SAMD8: variants seen among roughly 807,000 people sequenced by gnomAD.
The protein encoded by SAMD8 is sterile alpha motif domain containing 8, also known as sphingomyelin synthase-related protein 1.
In SAMD8, 20 loss-of-function variants were observed where a neutral mutation model predicts 42.0. The ratio of observed to expected loss-of-function variants is 0.48; its 90% confidence interval spans 0.34 to 0.69. SAMD8 has a LOEUF of 0.69. Among genes scored for constraint, SAMD8 ranks in the 30% least tolerant of loss-of-function variants. The pLI, the probability that SAMD8 is intolerant of heterozygous loss-of-function variation, is 0.01. For missense variants in SAMD8, 328 were observed against 511.6 expected, an observed-to-expected ratio of 0.64 and a Z score of 3.46; for synonymous variants, 162 against 173.0, an observed-to-expected ratio of 0.94 and a Z score of 0.50.
chr10:75,150,481 CTTTTG>C (rs757691113), intron 1 of SAMD8, 28 bp from the exon 2 acceptor site: 2 of 1,559,518 alleles, frequency 1.3e-6, no homozygotes, highest in Non-Finnish European at 1.7e-6. Context: ...CATACTGAAG[CTTTTG>C]TTTTGTTTTC....
upstream of SAMD8, chr10:75,108,096 A>G (rs1244394834): frequency 1.2e-6 from 2 of 1,613,726 alleles, no homozygotes; most frequent in African/African-American, 1.3e-5. Context: ...CAGGTAGCTC[A>G]CACTGCTGCC....
intron 1 of SAMD8, among the ~76,000 whole-genome samples, chr10:75,129,407 ATTTTTGTAT>A (rs1849223341): frequency 6.6e-6 from 1 of 151,928 alleles, no homozygotes; most frequent in African/African-American, 2.4e-5. Context: ...CACCCAGATA[ATTTTTGTAT>A]TTTTAATAGA....
intron 1 of SAMD8, among the ~76,000 whole-genome samples, chr10:75,119,554 TTAGAA>T (rs2134423229): frequency 6.6e-6 from 1 of 152,318 alleles, no homozygotes; most frequent in Admixed American, 6.5e-5. Flanking sequence ...ATCACAGAAT[TTAGAA>T]TAGAGGACAG....
chr10:75,103,798 C>T (rs574574431), intron 1 of SAMD8: 155 of 986,796 alleles, frequency 1.6e-4, no homozygotes, highest in South Asian at 3.0e-4. Context: ...ATCTGGAACC[C>T]CCTTCCTCTC....
At chr10:75,119,045 G>T (rs946298386) in intron 1 of SAMD8, among the ~76,000 whole-genome samples, 1 of 152,068 alleles carries the variant, frequency 6.6e-6, no homozygotes, top group Non-Finnish European at 1.5e-5. Flanking sequence ...AATGTTTGAA[G>T]TCTCTTCCTC....
intron 1 of SAMD8, among the ~76,000 whole-genome samples, chr10:75,114,332 C>A (rs1360039584): frequency 1.0e-3 from 141 of 134,592 alleles, no homozygotes; most frequent in African/African-American, 1.3e-3. Flanking sequence ...TGATATGTCT[C>A]AAAAAAAAAA....
intron 1 of SAMD8, chr10:75,105,720 C>G: frequency 6.4e-7 from 1 of 1,554,024 alleles, no homozygotes; most frequent in South Asian, 1.2e-5. Context: ...AGAGCTGGTG[C>G]AGGAAGCCTC....
intron 2 of SAMD8, among the ~76,000 whole-genome samples, chr10:75,154,927 CTG>C (rs1273504565): frequency 6.6e-6 from 1 of 152,098 alleles, no homozygotes; most frequent in Non-Finnish European, 1.5e-5. Context: ...GGGTCTCACT[CTG>C]TTCTCCAGGC....
chr10:75,144,881 A>G (rs891183285), intron 1 of SAMD8, among the ~76,000 whole-genome samples: 4 of 151,810 alleles, frequency 2.6e-5, no homozygotes, highest in Admixed American at 6.6e-5. Flanking sequence ...CAGGTCTTGA[A>G]CTCATAGGCT....
At chr10:75,175,376 A>G (rs1416052302) in intron 4 of SAMD8, among the ~76,000 whole-genome samples, 1 of 152,180 alleles carries the variant, frequency 6.6e-6, no homozygotes, top group Non-Finnish European at 1.5e-5. Context: ...CGTCTGTCAT[A>G]GCCTATGTCT....
At chr10:75,113,100 C>G (rs890980357) in intron 1 of SAMD8, among the ~76,000 whole-genome samples, 1 of 152,166 alleles carries the variant, frequency 6.6e-6, no homozygotes, top group African/African-American at 2.4e-5. Context: ...ACAGAGGATG[C>G]TTGTAGTTGG....
chr10:75,165,108 T>C (rs558338225), intron 3 of SAMD8, among the ~76,000 whole-genome samples: 119 of 150,832 alleles, frequency 7.9e-4, no homozygotes, highest in African/African-American at 2.9e-3. Context: ...CTGACCAACA[T>C]GGAGAAATCC....
At chr10:75,170,195 A>T (rs1012584842) in intron 4 of SAMD8, among the ~76,000 whole-genome samples, 1 of 152,220 alleles carries the variant, frequency 6.6e-6, no homozygotes, top group Non-Finnish European at 1.5e-5. Flanking sequence ...AATTATATAC[A>T]AATTTGGACA....
upstream of SAMD8, among the ~76,000 whole-genome samples, chr10:75,107,286 C>T (rs1240922696): frequency 2.0e-5 from 3 of 148,848 alleles, no homozygotes; most frequent in African/African-American, 5.0e-5. Context: ...ACCCAGGAGG[C>T]GGAGGAGCAG....
chr10:75,129,185 G>A (rs1459707369), intron 1 of SAMD8, among the ~76,000 whole-genome samples: 1 of 150,258 alleles, frequency 6.7e-6, no homozygotes, highest in African/African-American at 2.5e-5. Flanking sequence ...CCCAGGTGCA[G>A]TAATAGCTCA....
chr10:75,152,961 C>T (rs1840325953), intron 2 of SAMD8, among the ~76,000 whole-genome samples: 2 of 151,976 alleles, frequency 1.3e-5, no homozygotes, highest in South Asian at 4.1e-4. Flanking sequence ...TTGGGTATTA[C>T]TTTCTTGTTT....
intron 1 of SAMD8, among the ~76,000 whole-genome samples, chr10:75,149,598 T>C (rs2134479186): frequency 6.6e-6 from 1 of 152,314 alleles, no homozygotes; most frequent in South Asian, 2.1e-4. Context: ...TAGTTAGAAA[T>C]ACGCTTAATC....
intron 1 of SAMD8, among the ~76,000 whole-genome samples, chr10:75,128,306 C>G (rs1049297733): frequency 6.6e-6 from 1 of 152,104 alleles, no homozygotes; most frequent in Admixed American, 6.5e-5. Flanking sequence ...CTCCTGACCT[C>G]AAGTGATCCA....
At chr10:75,102,123 A>G (rs1160555512) in intron 1 of SAMD8, among the ~76,000 whole-genome samples, 1 of 152,282 alleles carries the variant, frequency 6.6e-6, no homozygotes, top group Non-Finnish European at 1.5e-5. Context: ...CAGCACTGCT[A>G]AGAATCAAGG....
Sources: gnomAD v4.1 joint callset for allele counts (sites outside exome capture counted in the v4.1 genomes callset) on GRCh38, gnomAD v4.1.1 for gene constraint, MANE v1.5 for transcripts, NCBI Gene and HGNC (gene_info 2026-07-23, HGNC 2026-07-21) for gene names.